The following GRIA4 variants were observed in gnomAD, a reference collection of about 807,000 sequenced individuals.
The protein encoded by GRIA4 is glutamate ionotropic receptor AMPA type subunit 4.
In GRIA4, 34 loss-of-function variants were observed where a neutral mutation model predicts 104.0. The observed-to-expected ratio is 0.33, with a 90% CI of 0.25 to 0.44. GRIA4 has a LOEUF of 0.44. GRIA4 is among the 20% of genes least tolerant of loss of function. The pLI is 1.00. For missense variants in GRIA4, 750 were observed against 1,096.5 expected (o/e 0.68, Z 4.46); for synonymous variants, 386 against 381.9 (o/e 1.01, Z -0.13).
intron 7 of GRIA4, among the ~76,000 whole-genome samples, chr11:105,901,739 T>C (rs1946863723): frequency 1.3e-5 from 2 of 152,252 alleles, no homozygotes; most frequent in South Asian, 4.1e-4. Flanking sequence ...CTGGTTCACA[T>C]ATTTCATAAA....
chr11:105,695,421 GGAGA>G (rs1385172962), intron 3 of GRIA4, among the ~76,000 whole-genome samples: 1 of 151,512 alleles, frequency 6.6e-6, no homozygotes, highest in African/African-American at 2.4e-5. Flanking sequence ...TTTTCATCCT[GGAGA>G]GAGAGAGAGT....
chr11:105,820,158 C>A (rs886241929), intron 4 of GRIA4, among the ~76,000 whole-genome samples: 62 of 152,070 alleles, frequency 4.1e-4, no homozygotes, highest in Admixed American at 3.3e-3. Context: ...AATTGTGATA[C>A]AATAAATTTA....
At chr11:105,660,962 C>A (rs1453818291) in intron 3 of GRIA4, among the ~76,000 whole-genome samples, 1 of 151,458 alleles carries the variant, frequency 6.6e-6, no homozygotes, top group Non-Finnish European at 1.5e-5. Context: ...GCTACAATTT[C>A]TGAAGAGAAA....
chr11:105,813,053 C>T (rs1174508861), intron 4 of GRIA4, among the ~76,000 whole-genome samples: 1 of 132,232 alleles, frequency 7.6e-6, no homozygotes, highest in Non-Finnish European at 1.5e-5. Context: ...AAGATCGTGC[C>T]ACTGCACTCC....
intron 5 of GRIA4, among the ~76,000 whole-genome samples, chr11:105,886,910 A>G (rs1186177999): frequency 6.7e-6 from 1 of 149,986 alleles, no homozygotes; most frequent in African/African-American, 2.4e-5. Flanking sequence ...CATTCTCAGA[A>G]AAAAAAAAAG....
Position 105,898,253 on chromosome 11 carries a change from G to C in GRIA4, c.727-16G>C, listed in dbSNP as rs774835664. 1.5e-6 allele frequency: 2 copies of C among 1,341,978 alleles called. No individual in the cohort carries two copies. The highest frequency in any genetic ancestry group is 2.1e-6 in the Non-Finnish European group (2 of 946,262). 83.1% of individuals were successfully genotyped at this position (1,341,978 alleles called of 1,614,324 possible). A position where few individuals can be genotyped will look rare whatever the true frequency, so the allele number is the denominator to read the frequency against. ...AATAAACTAAATTTAACAATCTTTTGTATTAATTTTTATAGGGATTCAAGG... is the reference window on the plus strand; with the variant it reads ...AATAAACTAAATTTAACAATCTTTTCTATTAATTTTTATAGGGATTCAAGG... On this transcript the variant is annotated splice_polypyrimidine_tract_variant and intron_variant, in intron 6 of 16. Coordinates refer to ENST00000282499, the MANE Select transcript of GRIA4 (RefSeq NM_000829.4).
intron 3 of GRIA4, among the ~76,000 whole-genome samples, chr11:105,737,641 A>T (rs750976655): frequency 2.0e-5 from 3 of 151,964 alleles, no homozygotes; most frequent in Non-Finnish European, 4.4e-5. Flanking sequence ...CTTAAGACCT[A>T]CTCCTGTTTC....
intron 4 of GRIA4, among the ~76,000 whole-genome samples, chr11:105,852,808 CAAA>C (rs1944863644): frequency 6.7e-6 from 1 of 149,866 alleles, no homozygotes; most frequent in Admixed American, 6.9e-5. Flanking sequence ...TAATTGTATG[CAAA>C]TCCTTTCACC....
At chr11:105,954,319 T>C (rs999021135) in intron 14 of GRIA4, among the ~76,000 whole-genome samples, 2 of 152,212 alleles carry the variant, frequency 1.3e-5, no homozygotes, top group African/African-American at 4.8e-5. Flanking sequence ...TAATCCAAAA[T>C]AGAGTATATT....
chr11:105,959,256 G>A (rs1948673349), intron 14 of GRIA4, among the ~76,000 whole-genome samples: 1 of 152,064 alleles, frequency 6.6e-6, no homozygotes, highest in Non-Finnish European at 1.5e-5. Context: ...CAAATCAATC[G>A]TAGGTTCTGT....
At chr11:105,639,330 T>A (rs1951293532) in intron 3 of GRIA4, among the ~76,000 whole-genome samples, 1 of 152,034 alleles carries the variant, frequency 6.6e-6, no homozygotes, top group African/African-American at 2.4e-5. Context: ...ACAGAGGGAA[T>A]TAATTTCATG....
chr11:105,784,578 T>C (rs1941873230), intron 4 of GRIA4, among the ~76,000 whole-genome samples: 2 of 152,154 alleles, frequency 1.3e-5, no homozygotes, highest in Non-Finnish European at 2.9e-5. Flanking sequence ...GAATGAGAGG[T>C]ATTTAGCAAA....
At chr11:105,933,145 G>A (rs1218995376) in intron 13 of GRIA4, among the ~76,000 whole-genome samples, 1 of 151,976 alleles carries the variant, frequency 6.6e-6, no homozygotes, top group African/African-American at 2.4e-5. Flanking sequence ...AGGAGGCTGA[G>A]GCGGGAGGAT....
Position 105,971,937 on chromosome 11 carries a change from T to G in GRIA4, c.2318T>G (p.Leu773Trp). 6.2e-7 allele frequency: 1 copy of G among 1,611,372 alleles called. No individual in the cohort carries two copies. Among genetic ancestry groups the G allele is most frequent in the Non-Finnish European group, 8.5e-7 (1 of 1,177,876 alleles). The change falls in exon 15 of 17, where the codon TTG (leucine) becomes TGG (tryptophan). Residue 773 changes from leucine (L) to tryptophan (W), a missense_variant. Physicochemically the swap from Leu to Trp is moderately conservative, Grantham distance 61 (BLOSUM62 -2). This residue lies in a region of GRIA4 where 272 missense variants were observed against 524.5 expected (regional missense o/e 0.52). Transcript: ENST00000282499. ...AGAACTCCTGTAAACCTTGCCGTTT[T>G]GAAACTCAGTGAGGCAGGCGTCTTA... ...SLRTPVNLAVLKLSEAGVLDK... is the reference protein window; with the variant it reads ...SLRTPVNLAVWKLSEAGVLDK...
chr11:105,642,766 A>G (rs1951408293), intron 3 of GRIA4, among the ~76,000 whole-genome samples: 1 of 152,270 alleles, frequency 6.6e-6, no homozygotes, highest in Non-Finnish European at 1.5e-5. Context: ...GTTTAATTCT[A>G]TTGCAAAGCC....
chr11:105,612,325 A>G lies in GRIA4; in HGVS notation c.138A>G (p.Leu46=). The change falls in exon 3 of 17, where the codon TTA becomes TTG. Residue 46 remains leucine, a synonymous_variant. Coordinates refer to ENST00000282499, the MANE Select transcript of GRIA4 (RefSeq NM_000829.4). ...ATCAGGAATACACTGCTTTTCGATT[A>G]GCAATTTTTCTTCATAACACCAGCC... The part of the protein sequence containing the change: ...NTDQEYTAFR[L]AIFLHNTSPN... The G allele has an allele frequency of 6.2e-7, 1 of 1,614,142 alleles. No individual in the cohort carries two copies. The highest frequency in any genetic ancestry group is 8.5e-7 in the Non-Finnish European group (1 of 1,179,970).
At position 105,770,212 on chromosome 11, in the gene GRIA4, G is replaced by A. The variant is rs111545857; in HGVS notation, c.487+16992G>A. ...GGTGACACCTTGTTTGTATCCTAAC[G>A]TCCCCAGTTTGAAAACAGACTTTAC... is the stretch of plus-strand genomic sequence containing the variant. On this transcript the variant is annotated intron_variant, in intron 4 of 16. Transcript: ENST00000282499. 9.9e-3 allele frequency among the ~76,000 whole-genome samples: 1,509 copies of A among 152,040 alleles called. 31 individuals are homozygous for A. Among genetic ancestry groups the A allele is most frequent in the African/African-American group, 0.035 (1,446 of 41,492 alleles).
chr11:105,634,473 GAA>G (rs1591474915), intron 3 of GRIA4, among the ~76,000 whole-genome samples: 32 of 43,758 alleles, frequency 7.3e-4, no homozygotes, highest in Middle Eastern at 9.4e-3. Flanking sequence ...GAAAGGGAAA[GAA>G]AGAAAGAAAG....
rs868643114 is a variant in GRIA4, at chr11:105,703,186, T to G, written c.248-49795T>G. Among the ~76,000 whole-genome samples the G allele has an allele frequency of 3.9e-5, 6 of 152,282 alleles. No homozygotes were observed. The East Asian group carries it at 1.2e-3, about 29-fold the overall frequency. Reference sequence around the variant, plus strand: ...TTGTTATTGTTGCTTTAGAGTACAGTTAGATAATAAAACAAAAACGAGTTC... The same window carrying G: ...TTGTTATTGTTGCTTTAGAGTACAGGTAGATAATAAAACAAAAACGAGTTC... On this transcript the variant is annotated intron_variant, in intron 3 of 16. Transcript: ENST00000282499.
Sources: gnomAD v4.1 joint callset for allele counts (sites outside exome capture counted in the v4.1 genomes callset) on GRCh38, gnomAD v4.1.1 for gene constraint, gnomAD v4.1.1 regional missense constraint, MANE v1.5 for transcripts, NCBI Gene and HGNC (gene_info 2026-07-23, HGNC 2026-07-21) for gene names.